Variants in MAPK8IP1 observed in about 807,000 individuals in gnomAD.
MAPK8IP1 encodes mitogen-activated protein kinase 8 interacting protein 1.
Under a neutral mutation model 72.6 loss-of-function variants are expected in MAPK8IP1, and 17 were observed. The ratio of observed to expected loss-of-function variants is 0.23; its 90% CI spans 0.16 to 0.35. The LOEUF (loss-of-function observed/expected upper bound fraction) is 0.35. Among genes scored for constraint, MAPK8IP1 ranks in the 10% least tolerant of loss-of-function variants. MAPK8IP1 has a pLI of 1.00. For missense variants in MAPK8IP1, 789 were observed against 1,009.7 expected (o/e 0.78, Z 2.96); for synonymous variants, 401 against 443.4 (o/e 0.90, Z 1.20).
intron 1 of MAPK8IP1, among the ~76,000 whole-genome samples, chr11:45,894,457 C>T (rs1451284232): frequency 6.6e-6 from 1 of 151,740 alleles, no homozygotes. Context: ...TTCTTTCTAG[C>T]ATTGCCCAAT....
intron 1 of MAPK8IP1, among the ~76,000 whole-genome samples, chr11:45,890,028 G>A (rs550273315): frequency 9.2e-5 from 14 of 152,332 alleles, no homozygotes; most frequent in African/African-American, 2.6e-4. Flanking sequence ...CAGGCTCAGC[G>A]GGTCTAGACA....
intron 2 of MAPK8IP1, among the ~76,000 whole-genome samples, chr11:45,899,715 C>A (rs2086634628): frequency 6.6e-6 from 1 of 152,170 alleles, no homozygotes; most frequent in South Asian, 2.1e-4. Flanking sequence ...TCAGTTTTTC[C>A]AGTTTTCCTC....
chr11:45,897,279 C>T (rs1307547423), intron 1 of MAPK8IP1, among the ~76,000 whole-genome samples: 1 of 151,962 alleles, frequency 6.6e-6, no homozygotes, highest in African/African-American at 2.4e-5. Flanking sequence ...CAGTGGCTGG[C>T]CCAGCCCTGC....
intron 1 of MAPK8IP1, chr11:45,897,055 TC>T: frequency 8.1e-7 from 1 of 1,237,168 alleles, no homozygotes; most frequent in Non-Finnish European, 1.2e-6. Flanking sequence ...AGTCTGGGCC[TC>T]CTAGGTTCCC....
At position 45,902,601 on chromosome 11, in the gene MAPK8IP1, T is replaced by C. The variant is rs145966810; in HGVS notation, c.834T>C (p.Thr278=). The C allele has an allele frequency of 1.2e-6, 2 of 1,612,806 alleles. No individual in the cohort carries two copies. Among genetic ancestry groups the C allele is most frequent in the Non-Finnish European group, 1.7e-6 (2 of 1,179,890 alleles). The stretch of plus-strand genomic sequence containing the variant: ...AGGCCGATGTGCGACTAGAGGCCAC[T>C]GAGGAGATCTACCTGACCCCAGTGC... ...HYQADVRLEA[T]EEIYLTPVQR... The change falls in exon 5 of 12, where the codon ACT becomes ACC. Residue 278 remains threonine, a synonymous_variant. Transcript: ENST00000241014. The surrounding 1 kb of genome is among the most constrained non-coding windows in gnomAD (Gnocchi z 9.3).
chr11:45,897,042 G>C (rs1322959884), intron 1 of MAPK8IP1: 4 of 1,380,360 alleles, frequency 2.9e-6, no homozygotes, highest in Non-Finnish European at 4.0e-6. Context: ...GCGAGTGGCA[G>C]GGAGTCTGGG....
chr11:45,903,923 C>A lies in MAPK8IP1; in HGVS notation c.1494-66C>A. The stretch of plus-strand genomic sequence containing the variant: ...TAACGATGCTGCTGTGGCTCCCAGA[C>A]CCCAGAGTAGGCCTGGCTGGACAGG... On this transcript the variant is annotated intron_variant, in intron 6 of 11. Transcript: ENST00000241014. The surrounding 1 kb of genome is among the most constrained non-coding windows in gnomAD (Gnocchi z 6.4). 16 of 1,472,704 alleles carry A rather than the reference C, an allele frequency of 1.1e-5. No homozygotes were observed. The highest frequency in any genetic ancestry group is 2.3e-5 in the South Asian group (2 of 88,224). 91.2% of individuals were successfully genotyped at this position (1,472,704 alleles called of 1,614,324 possible). A position where few individuals can be genotyped will look rare whatever the true frequency, so the allele number is the denominator to read the frequency against.
intron 1 of MAPK8IP1, among the ~76,000 whole-genome samples, chr11:45,895,631 AAAATATAT>A (rs1341258232): frequency 2.3e-4 from 8 of 34,634 alleles, no homozygotes; most frequent in Admixed American, 5.2e-4. Flanking sequence ...AAAAAAAAAA[AAAATATAT>A]ATATATATAT....
Position 45,885,883 on chromosome 11 carries a change from G to A in MAPK8IP1, c.63G>A (p.Pro21=), listed in dbSNP as rs1173740541. The part of the protein sequence containing the change: ...GGAASPPAAS[P]FLGLHIASPP... The stretch of plus-strand genomic sequence containing the variant: ...CCGCGTCCCCGCCCGCCGCCTCCCC[G>A]TTCCTGGGGCTGCACATCGCTTCGC... The change falls in exon 1 of 12, where the codon CCG becomes CCA. Residue 21 remains proline (P), a synonymous_variant. Coordinates refer to ENST00000241014, the MANE Select transcript of MAPK8IP1 (RefSeq NM_005456.4). 9.6e-6 allele frequency: 14 copies of A among 1,462,386 alleles called. No homozygotes were observed. Among genetic ancestry groups the A allele is most frequent in the Non-Finnish European group, 1.3e-5 (14 of 1,103,702 alleles). 90.6% of individuals were successfully genotyped at this position (1,462,386 alleles called of 1,614,324 possible). A position where few individuals can be genotyped will look rare whatever the true frequency, so the allele number is the denominator to read the frequency against.
chr11:45,886,228 G>T lies in MAPK8IP1; in HGVS notation c.101+307G>T, dbSNP rs2086526274. ...CTCCCCAACCTCCGGGCTGCGGCAG[G>T]GTCTGGGGTCGGGGTTGCGATCCCG... On this transcript the variant is annotated intron_variant, in intron 1 of 11. Transcript: ENST00000241014. Among the ~76,000 whole-genome samples, 3 of 152,252 alleles carry T rather than the reference G, an allele frequency of 2.0e-5. No homozygotes were observed. The South Asian group carries it at 6.2e-4, about 31-fold the overall frequency.
At chr11:45,889,687 C>G (rs1432593394) in intron 1 of MAPK8IP1, among the ~76,000 whole-genome samples, 1 of 152,068 alleles carries the variant, frequency 6.6e-6, no homozygotes, top group Admixed American at 6.5e-5. Context: ...GCTCCCTCCC[C>G]TTATGAGGAA....
rs1255432031 is a variant in MAPK8IP1 at position 45,904,026 on chromosome 11, G to A, written c.1531G>A (p.Val511Met). 2 of 1,613,990 alleles carry A rather than the reference G, an allele frequency of 1.2e-6. No individual in the cohort carries two copies. Among genetic ancestry groups the A allele is most frequent in the African/African-American group, 1.3e-5 (1 of 75,058 alleles). The change falls in exon 7 of 12, where the codon GTG becomes ATG. Residue 511 changes from valine (V) to methionine (M), a missense_variant. By Grantham distance (21) the Val-to-Met change is conservative. Transcript: ENST00000241014. The surrounding 1 kb of genome is among the most constrained non-coding windows in gnomAD (Gnocchi z 6.4). Reference protein sequence around the residue: ...PRHEDELELEVDDPLLVELQA... With the variant: ...PRHEDELELEMDDPLLVELQA... Reference sequence around the variant, plus strand: ...ACACGAAGACGAACTTGAGCTGGAAGTGGATGACCCTCTGCTAGTGGAGCT... The same window carrying A: ...ACACGAAGACGAACTTGAGCTGGAAATGGATGACCCTCTGCTAGTGGAGCT...
Position 45,904,277 on chromosome 11 carries a change from T to G in MAPK8IP1, c.1666+116T>G. On this transcript the variant is annotated intron_variant, in intron 7 of 11. Coordinates refer to ENST00000241014, the MANE Select transcript of MAPK8IP1 (RefSeq NM_005456.4). This position sits in a 1 kb window ranked among gnomAD's most constrained non-coding sequence, Gnocchi z 6.4. ...AGCCAGGTGGGGGGCTGAGTGGAAG[T>G]GATTTTAGGTCCTTTTCACGATCAA... is the stretch of plus-strand genomic sequence containing the variant. 1 of 1,289,912 alleles carries G rather than the reference T, an allele frequency of 7.8e-7. No homozygotes were observed. The allele number at this position is 1,289,912 out of a possible 1,614,324, so 79.9% of individuals were successfully genotyped here.
At position 45,905,706 on chromosome 11, in the gene MAPK8IP1, T is replaced by C. The variant is rs781309123; in HGVS notation, c.2121T>C (p.Asp707=). The change falls in exon 12 of 12, where the codon GAT becomes GAC. Residue 707 remains aspartate (D), a synonymous_variant. Coordinates refer to ENST00000241014, the MANE Select transcript of MAPK8IP1 (RefSeq NM_005456.4). ...QFVEYTCPTE[D]IYLE Reference sequence around the variant, plus strand: ...TGGAGTACACCTGCCCCACAGAAGATATCTACCTGGAGTAGCTGTGCAGCC... The same window carrying C: ...TGGAGTACACCTGCCCCACAGAAGACATCTACCTGGAGTAGCTGTGCAGCC... 1 of 1,613,802 alleles carries C rather than the reference T, an allele frequency of 6.2e-7. No homozygotes were observed. Among genetic ancestry groups the C allele is most frequent in the South Asian group, 1.1e-5 (1 of 91,078 alleles).
At chr11:45,886,311 G>T (rs1044133134) in intron 1 of MAPK8IP1, among the ~76,000 whole-genome samples, 4 of 152,248 alleles carry the variant, frequency 2.6e-5, no homozygotes, top group Admixed American at 2.6e-4. Flanking sequence ...AGCCTGGAGG[G>T]GCGCGGGTCG....
At chr11:45,887,727 A>G (rs1345582487) in intron 1 of MAPK8IP1, among the ~76,000 whole-genome samples, 1 of 152,256 alleles carries the variant, frequency 6.6e-6, no homozygotes, top group Non-Finnish European at 1.5e-5. Flanking sequence ...CAAGGGTGGC[A>G]GTAGGCCACG....
Position 45,904,497 on chromosome 11 carries a change from A to G in MAPK8IP1, c.1709A>G (p.Lys570Arg), listed in dbSNP as rs375621107. The G allele has an allele frequency of 6.2e-7, 1 of 1,614,054 alleles. No homozygotes were observed. The highest frequency in any genetic ancestry group is 8.5e-7 in the Non-Finnish European group (1 of 1,180,034). ...NSDWVDQFRV[K>R]FLGSVQVPYH... Reference sequence around the variant, plus strand: ...GACTGGGTGGACCAGTTCCGGGTGAAGTTCCTGGGCTCAGTCCAGGTTCCC... The same window carrying G: ...GACTGGGTGGACCAGTTCCGGGTGAGGTTCCTGGGCTCAGTCCAGGTTCCC... The change falls in exon 8 of 12, where the codon AAG becomes AGG. Residue 570 changes from lysine (K) to arginine (R), a missense_variant. By Grantham distance (26) the Lys-to-Arg change is conservative. Around this residue, in one of 4 missense-constraint regions of MAPK8IP1, gnomAD observed 188 missense variants for 293.3 expected, o/e 0.64. Coordinates refer to ENST00000241014, the MANE Select transcript of MAPK8IP1 (RefSeq NM_005456.4). The surrounding 1 kb of genome is among the most constrained non-coding windows in gnomAD (Gnocchi z 6.4).
In MAPK8IP1 at chr11:45,906,282, G is replaced by A; in HGVS notation, c.*561G>A. The A allele has an allele frequency of 2.7e-6, 1 of 367,038 alleles. No homozygotes were observed. The highest frequency in any genetic ancestry group is 2.1e-5 in the African/African-American group (1 of 48,318). The allele number at this position is 367,038 out of a possible 1,614,324, so 22.7% of individuals were successfully genotyped here. A position where few individuals can be genotyped will look rare whatever the true frequency, so the allele number is the denominator to read the frequency against. ...CCGTCATCTGCGGGGCTTCTGGGTG[G>A]CTCCTGCCACTGACCTCACCGGCAT... On this transcript the variant is annotated 3_prime_UTR_variant, in exon 12 of 12. Coordinates refer to ENST00000241014, the MANE Select transcript of MAPK8IP1 (RefSeq NM_005456.4).
In MAPK8IP1 at chr11:45,900,395, G is replaced by C; in HGVS notation, c.465G>C (p.Thr155=). ...GQSQGPGSGD[T]YRPKRPTTLN... Reference sequence around the variant, plus strand: ...GCCAGGGCCCGGGCAGCGGGGACACGTACCGGCCCAAGCGGCCCACCACGC... The same window carrying C: ...GCCAGGGCCCGGGCAGCGGGGACACCTACCGGCCCAAGCGGCCCACCACGC... The change falls in exon 3 of 12, where the codon ACG becomes ACC. Residue 155 remains threonine, a synonymous_variant. Coordinates refer to ENST00000241014, the MANE Select transcript of MAPK8IP1 (RefSeq NM_005456.4). The surrounding 1 kb of genome is among the most constrained non-coding windows in gnomAD (Gnocchi z 6.5). 6 of 1,529,324 alleles carry C rather than the reference G, an allele frequency of 3.9e-6. No individual in the cohort carries two copies. The highest frequency in any genetic ancestry group is 5.2e-6 in the Non-Finnish European group (6 of 1,144,596). The allele number at this position is 1,529,324 out of a possible 1,614,324, so 94.7% of individuals were successfully genotyped here. A position where few individuals can be genotyped will look rare whatever the true frequency, so the allele number is the denominator to read the frequency against.
Sources: allele counts gnomAD v4.1 joint callset (sites outside exome capture counted in the v4.1 genomes callset), GRCh38; gene constraint gnomAD v4.1.1; regional missense constraint gnomAD v4.1.1; non-coding constraint Gnocchi (gnomAD v3.1); transcripts MANE v1.5; gene names NCBI Gene and HGNC (gene_info 2026-07-23, HGNC 2026-07-21).